The following CDHR1 variants were observed in gnomAD, a reference collection of about 807,000 sequenced individuals.
CDHR1 encodes cadherin related family member 1.
A neutral mutation model predicts 72.1 loss-of-function variants in CDHR1; 61 were observed. That is an observed-to-expected ratio of 0.85 (90% confidence interval 0.69 to 1.05). CDHR1 has a LOEUF of 1.05. CDHR1 is among the 50% of genes least tolerant of loss of function. The pLI, the probability that CDHR1 is intolerant of heterozygous loss-of-function variation, is 0.00. For synonymous variants in CDHR1, 470 were observed against 448.1 expected (o/e 1.05, Z -0.62); for missense variants, 1,186 against 1,115.7 (o/e 1.06, Z -0.90).
intron 8 of CDHR1, among the ~76,000 whole-genome samples, chr10:84,203,336 G>A (rs1589299288): frequency 6.6e-6 from 1 of 152,212 alleles, no homozygotes; most frequent in African/African-American, 2.4e-5. Context: ...AGACCAGGCT[G>A]GAGCCAGGCC....
chr10:84,219,595 C>A, downstream of CDHR1: 1 of 245,074 alleles, frequency 4.1e-6, no homozygotes, highest in Non-Finnish European at 7.8e-6. Flanking sequence ...ATAAAGATAC[C>A]CGAGACTGGG....
At chr10:84,206,528 G>T (rs557510384) in intron 10 of CDHR1, among the ~76,000 whole-genome samples, 1 of 152,046 alleles carries the variant, frequency 6.6e-6, no homozygotes, top group African/African-American at 2.4e-5. Context: ...TTTATTTTTC[G>T]CTGGGCCTGC....
In CDHR1 at chr10:84,216,066, C is replaced by G; in HGVS notation, c.*1445C>G. 2 of 985,424 alleles carry G rather than the reference C, an allele frequency of 2.0e-6. No individual in the cohort carries two copies. The highest frequency in any genetic ancestry group is 2.4e-6 in the Non-Finnish European group (2 of 829,948). 61.0% of individuals were successfully genotyped at this position (985,424 alleles called of 1,614,324 possible). A position where few individuals can be genotyped will look rare whatever the true frequency, so the allele number is the denominator to read the frequency against. On this transcript the variant is annotated 3_prime_UTR_variant, in exon 17 of 17. Coordinates refer to ENST00000623527, the MANE Select transcript of CDHR1 (RefSeq NM_033100.4). ...CCCCAGGACAGAAGTCATACAAGGCCTCTGGGGTTAATACAAATAGGTTGT... is the reference window on the plus strand; with the variant it reads ...CCCCAGGACAGAAGTCATACAAGGCGTCTGGGGTTAATACAAATAGGTTGT...
In CDHR1 at chr10:84,215,692, T is replaced by C. The variant is rs571969789; in HGVS notation, c.*1071T>C. On this transcript the variant is annotated 3_prime_UTR_variant, in exon 17 of 17. Coordinates refer to ENST00000623527, the MANE Select transcript of CDHR1 (RefSeq NM_033100.4). ...AGTGCAAAGCGGCATGAATGCAAAG[T>C]ATTTTTCTGCAGCCCAGTTCTGTGG... 130 of 985,418 alleles carry C rather than the reference T, an allele frequency of 1.3e-4. 4 individuals carry two copies. The South Asian group carries it at 5.5e-3, about 42-fold the overall frequency. The allele number at this position is 985,418 out of a possible 1,614,324, so 61.0% of individuals were successfully genotyped here.
intron 15 of CDHR1, chr10:84,212,890 G>C: frequency 1.5e-6 from 1 of 652,758 alleles, no homozygotes; most frequent in Non-Finnish European, 2.7e-6. Flanking sequence ...AATGGAATCG[G>C]CTAGCCCATG....
chr10:84,217,778 G>C lies in CDHR1; in HGVS notation c.*3157G>C. 1 of 985,404 alleles carries C rather than the reference G, an allele frequency of 1.0e-6. No homozygotes were observed. 61.0% of individuals were successfully genotyped at this position (985,404 alleles called of 1,614,324 possible). On this transcript the variant is annotated 3_prime_UTR_variant, in exon 17 of 17. Coordinates refer to ENST00000623527, the MANE Select transcript of CDHR1 (RefSeq NM_033100.4). ...CATGCTAGAAAAAGAGAAGAGAGTG[G>C]ATCCAGAGGGGAGTGGAGGACAGGG...
intron 6 of CDHR1, among the ~76,000 whole-genome samples, chr10:84,201,496 T>G (rs553247468): frequency 6.6e-6 from 1 of 152,324 alleles, no homozygotes; most frequent in South Asian, 2.1e-4. Flanking sequence ...GACATTGCCA[T>G]CTGCTGGACC....
intron 12 of CDHR1, among the ~76,000 whole-genome samples, chr10:84,209,499 A>G (rs1842290012): frequency 6.6e-6 from 1 of 152,200 alleles, no homozygotes; most frequent in African/African-American, 2.4e-5. Flanking sequence ...TATCACCACT[A>G]CTATTTAACA....
At chr10:84,199,721 A>G (rs1232282442) in intron 5 of CDHR1, among the ~76,000 whole-genome samples, 1 of 152,208 alleles carries the variant, frequency 6.6e-6, no homozygotes, top group Non-Finnish European at 1.5e-5. Flanking sequence ...TTTCCTTAAG[A>G]TACAGTTCAG....
chr10:84,205,338 T>C (rs1476572395), intron 9 of CDHR1, among the ~76,000 whole-genome samples: 1 of 151,944 alleles, frequency 6.6e-6, no homozygotes, highest in Non-Finnish European at 1.5e-5. Flanking sequence ...CTGCCTTCCT[T>C]CCCATCACCA....
rs575371364 is a variant in CDHR1 at position 84,196,519 on chromosome 10, A to T, written c.166A>T (p.Thr56Ser). The T allele has an allele frequency of 3.7e-6, 6 of 1,614,148 alleles. No individual in the cohort carries two copies. In the South Asian group the frequency reaches 6.6e-5, roughly 18 times the overall value. ...TTTCCTTCCAGGCTCTCACGTATACACCCTGAATGGGACAGACCCTGAGGG... is the reference window on the plus strand; with the variant it reads ...TTTCCTTCCAGGCTCTCACGTATACTCCCTGAATGGGACAGACCCTGAGGG... ...EDTPVGSHVYTLNGTDPEGDP... is the reference protein window; with the variant it reads ...EDTPVGSHVYSLNGTDPEGDP... The change falls in exon 3 of 17, where the codon ACC (threonine) becomes TCC (serine). Residue 56 changes from threonine (T) to serine (S), a missense_variant. By Grantham distance (58) the Thr-to-Ser change is moderately conservative. Transcript: ENST00000623527.
In CDHR1 at chr10:84,208,358, C is replaced by A. The variant is rs769688253; in HGVS notation, c.1148C>A (p.Thr383Asn). Residue 383 changes from threonine to asparagine, a missense_variant, in exon 11 of 17, where the codon ACC becomes AAC. Coordinates refer to ENST00000623527, the MANE Select transcript of CDHR1 (RefSeq NM_033100.4). ...QGEILRGLKI[T>N]VNDSDQGANA... ...GAGATCCTGCGGGGCCTCAAGATCA[C>A]CGTCAATGACTCCGACCAGGTGTGT... 1 of 1,614,056 alleles carries A rather than the reference C, an allele frequency of 6.2e-7. No homozygotes were observed. The highest frequency in any genetic ancestry group is 8.5e-7 in the Non-Finnish European group (1 of 1,180,038).
rs186476072 is a variant in CDHR1, at chr10:84,217,072, A to G, written c.*2451A>G. ...AAGTGCCCGGTAGCCAGCATGAGCC[A>G]CACTAGGAAAGAGGAGGAGGGTGCA... On this transcript the variant is annotated 3_prime_UTR_variant, in exon 17 of 17. Coordinates refer to ENST00000623527, the MANE Select transcript of CDHR1 (RefSeq NM_033100.4). The G allele has an allele frequency of 1.0e-4, 102 of 985,724 alleles. 1 individual carries two copies. In the African/African-American group the frequency reaches 1.6e-3, roughly 16 times the overall value. 61.1% of individuals were successfully genotyped at this position (985,724 alleles called of 1,614,324 possible).
At position 84,218,360 on chromosome 10, in the gene CDHR1, A is replaced by G. The variant is rs1387393290; in HGVS notation, c.*3739A>G. On this transcript the variant is annotated 3_prime_UTR_variant, in exon 17 of 17. Coordinates refer to ENST00000623527, the MANE Select transcript of CDHR1 (RefSeq NM_033100.4). ...TCGGTTTGATGTTATAAAATCGTGC[A>G]CATGTACCCCTTTTGAGGCCTGAAT... 1 of 985,326 alleles carries G rather than the reference A, an allele frequency of 1.0e-6. No homozygotes were observed. Among genetic ancestry groups the G allele is most frequent in the African/African-American group, 1.7e-5 (1 of 57,244 alleles). The allele number at this position is 985,326 out of a possible 1,614,324, so 61.0% of individuals were successfully genotyped here. A position where few individuals can be genotyped will look rare whatever the true frequency, so the allele number is the denominator to read the frequency against.
chr10:84,198,957 T>A (rs1842075245), intron 4 of CDHR1, 75 bp from the exon 5 acceptor site: 1 of 1,060,238 alleles, frequency 9.4e-7, no homozygotes, highest in Admixed American at 2.0e-5. Context: ...TACATTGGAG[T>A]GATAGAGGTC....
intron 14 of CDHR1, 112 bp downstream of exon 14, chr10:84,211,827 G>A: frequency 1.1e-6 from 1 of 932,782 alleles, no homozygotes; most frequent in Non-Finnish European, 1.8e-6. Context: ...AGGAGCCTGG[G>A]TGAAGAGAAG....
chr10:84,217,023 C>A lies in CDHR1; in HGVS notation c.*2402C>A, dbSNP rs1180540072. The A allele has an allele frequency of 2.0e-6, 2 of 985,476 alleles. No homozygotes were observed. The highest frequency in any genetic ancestry group is 2.4e-6 in the Non-Finnish European group (2 of 830,042). The allele number at this position is 985,476 out of a possible 1,614,324, so 61.0% of individuals were successfully genotyped here. Reference sequence around the variant, plus strand: ...GAACTTGGACCAAGGCAGAGCCAATCTTGCAAACTGGCCATGGATGGGGAA... The same window carrying A: ...GAACTTGGACCAAGGCAGAGCCAATATTGCAAACTGGCCATGGATGGGGAA... On this transcript the variant is annotated 3_prime_UTR_variant, in exon 17 of 17. Coordinates refer to ENST00000623527, the MANE Select transcript of CDHR1 (RefSeq NM_033100.4).
chr10:84,219,087 A>T, downstream of CDHR1: 1 of 1,073,234 alleles, frequency 9.3e-7, no homozygotes, highest in South Asian at 1.4e-5. Context: ...AGGTGAGAAG[A>T]CTAAGGTACA....
chr10:84,214,754 C>T lies in CDHR1; in HGVS notation c.*133C>T. ...TGCACAATGGTATAATCCCCACTGTCCTCATCTCTACCGCCACCTTCTGGC... is the reference window on the plus strand; with the variant it reads ...TGCACAATGGTATAATCCCCACTGTTCTCATCTCTACCGCCACCTTCTGGC... On this transcript the variant is annotated 3_prime_UTR_variant, in exon 17 of 17. Coordinates refer to ENST00000623527, the MANE Select transcript of CDHR1 (RefSeq NM_033100.4). The T allele has an allele frequency of 6.4e-7, 1 of 1,568,618 alleles. No homozygotes were observed. The highest frequency in any genetic ancestry group is 8.6e-7 in the Non-Finnish European group (1 of 1,164,946).
Sources: allele counts gnomAD v4.1 joint callset (sites outside exome capture counted in the v4.1 genomes callset), GRCh38; gene constraint gnomAD v4.1.1; transcripts MANE v1.5; gene names NCBI Gene and HGNC (gene_info 2026-07-23, HGNC 2026-07-21).